The following PITPNA variants were observed in gnomAD, a reference collection of about 807,000 sequenced individuals.
The protein encoded by PITPNA is phosphatidylinositol transfer protein alpha, also known as phosphatidylinositol transfer protein alpha isoform.
Under a neutral mutation model 50.3 loss-of-function variants are expected in PITPNA, and 13 were observed. The observed-to-expected ratio is 0.26, with a 90% confidence interval of 0.17 to 0.41. PITPNA has a LOEUF of 0.41. Ranked by LOEUF, PITPNA falls within the 10% of genes least tolerant of loss-of-function variation. PITPNA has a pLI of 1.00. For synonymous variants in PITPNA, 120 were observed against 119.6 expected (o/e 1.00, Z -0.02); for missense variants, 207 against 333.4 (o/e 0.62, Z 2.95).
intron 10 of PITPNA, among the ~76,000 whole-genome samples, chr17:1,529,551 T>A (rs1195830471): frequency 3.3e-5 from 5 of 149,672 alleles, no homozygotes; most frequent in African/African-American, 1.2e-4. Context: ...TCAAAAAAAA[T>A]AAAATAAAAT....
At chr17:1,526,000 A>T (rs1276677086) in intron 10 of PITPNA, among the ~76,000 whole-genome samples, 2 of 152,196 alleles carry the variant, frequency 1.3e-5, no homozygotes, top group East Asian at 1.9e-4. Context: ...CAGCAACCAG[A>T]TCTCATTTCC....
intron 6 of PITPNA, among the ~76,000 whole-genome samples, chr17:1,539,664 C>G (rs911767700): frequency 6.6e-6 from 1 of 152,302 alleles, no homozygotes; most frequent in African/African-American, 2.4e-5. Context: ...TCCTGAGGAG[C>G]TGGGCCTGAG....
At chr17:1,540,897 A>C (rs1243578309) in intron 6 of PITPNA, among the ~76,000 whole-genome samples, 2 of 151,682 alleles carry the variant, frequency 1.3e-5, no homozygotes, top group Non-Finnish European at 2.9e-5. Context: ...ACGGGCTCTT[A>C]TGTTGTTTTT....
intron 6 of PITPNA, among the ~76,000 whole-genome samples, chr17:1,540,593 CTT>C (rs200884941): frequency 5.6e-5 from 8 of 144,066 alleles, no homozygotes; most frequent in South Asian, 2.2e-4. Context: ...TTTTTTTTCT[CTT>C]TTTTTTTTTT....
At chr17:1,543,049 G>A (rs779632431) in intron 4 of PITPNA, 22 bp from the exon 5 acceptor site, 2 of 1,570,398 alleles carry the variant, frequency 1.3e-6, no homozygotes, top group Admixed American at 1.7e-5. Flanking sequence ...CAAGGACATG[G>A]AAAGAAGAGA....
chr17:1,520,739 C>G (rs115056417), intron 11 of PITPNA, among the ~76,000 whole-genome samples: 1 of 152,114 alleles, frequency 6.6e-6, no homozygotes, highest in Non-Finnish European at 1.5e-5. Flanking sequence ...CCAGCCTCCC[C>G]GAGGCTGCTT....
chr17:1,526,017 C>T (rs1300684092), intron 10 of PITPNA, among the ~76,000 whole-genome samples: 1 of 152,188 alleles, frequency 6.6e-6, no homozygotes. Context: ...TTCCAAACAC[C>T]CCCCTCCACT....
At chr17:1,534,066 A>G (rs756236948) in intron 10 of PITPNA, 33 bp downstream of exon 10, 1 of 1,612,110 alleles carries the variant, frequency 6.2e-7, no homozygotes, top group South Asian at 1.1e-5. Flanking sequence ...TCGTTTGTTT[A>G]TCTAATTGAG....
intron 4 of PITPNA, among the ~76,000 whole-genome samples, chr17:1,544,679 T>C (rs552564865): frequency 6.6e-6 from 1 of 152,366 alleles, no homozygotes; most frequent in African/African-American, 2.4e-5. Context: ...GGCTCCCGCC[T>C]GGAATCCCAG....
intron 2 of PITPNA, 77 bp from the exon 3 acceptor site, chr17:1,553,226 G>A: frequency 2.7e-6 from 4 of 1,494,212 alleles, no homozygotes; most frequent in Non-Finnish European, 3.7e-6. Context: ...GCCAGTAAGT[G>A]TCTAACTGGA....
rs904365359 is a variant in PITPNA, at chr17:1,518,987, CAATG to C, written c.*1570_*1573del. On this transcript the variant is annotated 3_prime_UTR_variant, in exon 12 of 12. Transcript: ENST00000313486. ...AAGACATCTGGTTCCAAAGGGACCT[CAATG>C]AAGGTCAGCGCTAACCATGCTGGGG... The C allele has an allele frequency of 6.6e-6, 1 of 152,212 alleles. No homozygotes were observed. Among genetic ancestry groups the C allele is most frequent in the Non-Finnish European group, 1.5e-5 (1 of 68,042 alleles). 9.4% of individuals were successfully genotyped at this position (152,212 alleles called of 1,614,324 possible). A position where few individuals can be genotyped will look rare whatever the true frequency, so the allele number is the denominator to read the frequency against.
At chr17:1,542,905 C>G (rs1229688695) in intron 5 of PITPNA, 115 bp downstream of exon 5, 2 of 760,590 alleles carry the variant, frequency 2.6e-6, no homozygotes, top group African/African-American at 3.5e-5. Context: ...TGAGCCTCAG[C>G]AACTCCAAAC....
chr17:1,549,379 C>T (rs8078833), intron 3 of PITPNA, among the ~76,000 whole-genome samples: 21,873 of 146,918 alleles, frequency 0.15, 2,313 homozygotes, highest in East Asian at 0.42. Context: ...TGTAGTGGCT[C>T]GATCTTGGCT....
intron 10 of PITPNA, among the ~76,000 whole-genome samples, chr17:1,529,936 G>C (rs533288315): frequency 2.0e-5 from 3 of 152,072 alleles, no homozygotes; most frequent in African/African-American, 7.2e-5. Context: ...TATCTAAAGA[G>C]TTAATGGCCA....
At chr17:1,532,233 G>A (rs1441844803) in intron 10 of PITPNA, among the ~76,000 whole-genome samples, 1 of 152,112 alleles carries the variant, frequency 6.6e-6, no homozygotes, top group Non-Finnish European at 1.5e-5. Flanking sequence ...GATTACAGGT[G>A]TCCGCCACCA....
intron 10 of PITPNA, among the ~76,000 whole-genome samples, chr17:1,522,261 C>T (rs1201933595): frequency 6.6e-6 from 1 of 150,664 alleles, no homozygotes; most frequent in South Asian, 2.1e-4. Context: ...TTAGTAGAGA[C>T]GGGGTTTCAC....
chr17:1,559,010 T>G, intron 1 of PITPNA, among the ~76,000 whole-genome samples: 1 of 151,798 alleles, frequency 6.6e-6, no homozygotes, highest in East Asian at 1.9e-4. Context: ...GTAAGACAGG[T>G]TAACACAGGA....
At chr17:1,540,305 G>T (rs1401794645) in intron 6 of PITPNA, among the ~76,000 whole-genome samples, 1 of 152,144 alleles carries the variant, frequency 6.6e-6, no homozygotes, top group East Asian at 1.9e-4. Context: ...AATTACAAAA[G>T]GATACAATAT....
chr17:1,524,199 C>T (rs1431091792), intron 10 of PITPNA, among the ~76,000 whole-genome samples: 1 of 151,784 alleles, frequency 6.6e-6, no homozygotes, highest in Non-Finnish European at 1.5e-5. Context: ...TGCCCACCAA[C>T]ACGCCCGGCT....
Sources: gnomAD v4.1 joint callset for allele counts (sites outside exome capture counted in the v4.1 genomes callset) on GRCh38, gnomAD v4.1.1 for gene constraint, MANE v1.5 for transcripts, NCBI Gene and HGNC (gene_info 2026-07-23, HGNC 2026-07-21) for gene names.